The following MELK variants were observed in gnomAD, a reference collection of about 807,000 sequenced individuals.
MELK encodes pEg3 kinase.
A neutral mutation model predicts 85.0 loss-of-function variants in MELK; 81 were observed. The observed-to-expected ratio is 0.95, with a 90% CI of 0.80 to 1.15. MELK has a LOEUF of 1.15. Ranked by LOEUF, MELK falls within the 50% of genes most tolerant of loss-of-function variation. The pLI, the probability that MELK is intolerant of heterozygous loss-of-function variation, is 0.00. For missense variants in MELK, 754 were observed against 777.5 expected, an observed-to-expected ratio of 0.97 and a Z score of 0.36; for synonymous variants, 252 against 265.0, an observed-to-expected ratio of 0.95 and a Z score of 0.48.
chr9:36,649,523 T>C (rs1159157292), intron 11 of MELK, among the ~76,000 whole-genome samples: 1 of 151,258 alleles, frequency 6.6e-6, no homozygotes, highest in East Asian at 2.0e-4. Context: ...CCCAGCACTT[T>C]GGGAGGCTGA....
chr9:36,657,450 G>A (rs143251831), intron 13 of MELK, 87 bp downstream of exon 13: 1 of 1,417,344 alleles, frequency 7.1e-7, no homozygotes, highest in African/African-American at 1.4e-5. Context: ...AGGTGTGCTT[G>A]CAAATTTAAT....
chr9:36,593,917 C>T (rs1000925016), intron 4 of MELK, among the ~76,000 whole-genome samples: 1 of 152,118 alleles, frequency 6.6e-6, no homozygotes, highest in Non-Finnish European at 1.5e-5. Context: ...CCTGATCCAC[C>T]CACCTCGGCC....
chr9:36,593,835 G>T (rs1823900689), intron 4 of MELK, among the ~76,000 whole-genome samples: 2 of 152,242 alleles, frequency 1.3e-5, no homozygotes, highest in African/African-American at 4.8e-5. Context: ...GGGATTACAG[G>T]CGCCCGCCAC....
chr9:36,581,506 CT>C, intron 1 of MELK, 137 bp from the exon 2 acceptor site: 9 of 506,486 alleles, frequency 1.8e-5, no homozygotes, highest in Admixed American at 3.9e-5. Flanking sequence ...GATAAGAATC[CT>C]TTTTTTCATA....
At chr9:36,615,212 T>G (rs1487232979) in intron 8 of MELK, among the ~76,000 whole-genome samples, 1 of 117,476 alleles carries the variant, frequency 8.5e-6, no homozygotes, top group Admixed American at 8.0e-5. Flanking sequence ...CCCCCCCACC[T>G]CCCTCCCAGA....
At chr9:36,594,322 C>G (rs1823949390) in intron 4 of MELK, among the ~76,000 whole-genome samples, 3 of 152,236 alleles carry the variant, frequency 2.0e-5, no homozygotes, top group East Asian at 1.9e-4. Flanking sequence ...ATGAGAATGG[C>G]TTTTAATACT....
intron 1 of MELK, 89 bp from the exon 2 acceptor site, chr9:36,581,555 A>G (rs921757625): frequency 8.5e-6 from 6 of 709,606 alleles, no homozygotes; most frequent in Middle Eastern, 4.0e-4. Flanking sequence ...ATGTAAATGC[A>G]TAAGACTTAT....
At chr9:36,661,415 G>T (rs181423215) in intron 13 of MELK, among the ~76,000 whole-genome samples, 105 of 152,266 alleles carry the variant, frequency 6.9e-4, no homozygotes, top group African/African-American at 2.5e-3. Context: ...CAACTTTTCA[G>T]TGGATGTAAA....
chr9:36,665,632 T>C, intron 14 of MELK, 51 bp downstream of exon 14: 1 of 1,415,186 alleles, frequency 7.1e-7, no homozygotes, highest in Non-Finnish European at 9.8e-7. Flanking sequence ...TCTTACCATG[T>C]TAAGTAAACA....
intron 8 of MELK, among the ~76,000 whole-genome samples, chr9:36,610,225 A>C (rs1003168007): frequency 7.2e-5 from 11 of 152,200 alleles, no homozygotes; most frequent in African/African-American, 2.7e-4. Flanking sequence ...ACAGTGTTGA[A>C]AGTGGTAGAC....
chr9:36,636,814 T>G (rs943786196), intron 10 of MELK, among the ~76,000 whole-genome samples: 126 of 117,890 alleles, frequency 1.1e-3, no homozygotes, highest in Middle Eastern at 9.2e-3. Flanking sequence ...CTGTCTTTCT[T>G]TCTTTCTGTC....
chr9:36,669,039 T>C (rs1226391755), intron 14 of MELK, among the ~76,000 whole-genome samples: 1 of 152,242 alleles, frequency 6.6e-6, no homozygotes, highest in Admixed American at 6.5e-5. Flanking sequence ...ATTTATCATA[T>C]GATGTTTATA....
At chr9:36,594,554 A>G in intron 4 of MELK, 74 bp from the exon 5 acceptor site, 1 of 1,519,144 alleles carries the variant, frequency 6.6e-7, no homozygotes, top group Non-Finnish European at 9.0e-7. Flanking sequence ...AGTTAAGTGT[A>G]CTTTTTTATT....
intron 3 of MELK, among the ~76,000 whole-genome samples, chr9:36,584,870 A>G (rs1019296488): frequency 6.6e-6 from 1 of 151,750 alleles, no homozygotes; most frequent in Admixed American, 6.6e-5. Flanking sequence ...GGCACATGCC[A>G]CTATGCTTGC....
At chr9:36,594,272 T>A (rs1000851386) in intron 4 of MELK, among the ~76,000 whole-genome samples, 5 of 152,190 alleles carry the variant, frequency 3.3e-5, no homozygotes, top group Non-Finnish European at 7.3e-5. Context: ...TGCTGGCTTT[T>A]TAAATTTCAG....
intron 10 of MELK, among the ~76,000 whole-genome samples, chr9:36,641,056 T>G (rs75316031): frequency 0.029 from 4,438 of 152,238 alleles, 220 homozygotes; most frequent in African/African-American, 0.1. Context: ...ATGTGTAGTA[T>G]CAACCTGGAG....
intron 13 of MELK, 63 bp downstream of exon 13, chr9:36,657,426 C>A: frequency 1.3e-6 from 2 of 1,510,544 alleles, no homozygotes; most frequent in Non-Finnish European, 1.8e-6. Context: ...AACAACCAGA[C>A]TAATGTGAAA....
rs1823337263 is a variant in MELK at position 36,589,755 on chromosome 9, C to G, written c.261+103C>G. On this transcript the variant is annotated intron_variant, in intron 4 of 17. Transcript: ENST00000298048. ...AAAGATTAGAAGAGATGTTAAGCGA[C>G]TTACCTGTTTTGTTCCATTTGTAAC... 3.7e-6 allele frequency: 3 copies of G among 816,384 alleles called. No individual in the cohort carries two copies. The South Asian group carries it at 4.9e-5, about 13-fold the overall frequency. 50.6% of individuals were successfully genotyped at this position (816,384 alleles called of 1,614,324 possible).
At chr9:36,585,013 T>C (rs1822730075) in intron 3 of MELK, among the ~76,000 whole-genome samples, 1 of 152,182 alleles carries the variant, frequency 6.6e-6, no homozygotes, top group Admixed American at 6.6e-5. Context: ...GCCACTGTAC[T>C]TGGCCTGTCC....
Sources: allele counts gnomAD v4.1 joint callset (sites outside exome capture counted in the v4.1 genomes callset), GRCh38; gene constraint gnomAD v4.1.1; transcripts MANE v1.5; gene names NCBI Gene and HGNC (gene_info 2026-07-23, HGNC 2026-07-21).